Variants in SURF4 observed in about 807,000 individuals in gnomAD.
SURF4 encodes the protein surfeit 4, also known as surfeit locus protein 4.
In SURF4, 3 loss-of-function variants were observed where a neutral mutation model predicts 30.0. The observed-to-expected ratio is 0.10, with a 90% CI of 0.05 to 0.26. The LOEUF (loss-of-function observed/expected upper bound fraction) is 0.26. Ranked by LOEUF, SURF4 falls within the 10% of genes least tolerant of loss-of-function variation. The pLI is 1.00. For missense variants in SURF4, 217 were observed against 350.8 expected (o/e 0.62, Z 3.05); for synonymous variants, 143 against 139.9 (o/e 1.02, Z -0.16).
chr9:133,363,435 C>T lies in SURF4; in HGVS notation c.*58G>A, dbSNP rs2130086138. On this transcript the variant is annotated 3_prime_UTR_variant, in exon 6 of 6. Coordinates refer to ENST00000371989, the MANE Select transcript of SURF4 (RefSeq NM_033161.4). The surrounding 1 kb of genome is among the most constrained non-coding windows in gnomAD (Gnocchi z 4.3). ...AAGCTGGCAGTTTTGTTGAATCCACCCCGAACCAGTCCTTGACGGCCACGG... is the reference window on the plus strand; with the variant it reads ...AAGCTGGCAGTTTTGTTGAATCCACTCCGAACCAGTCCTTGACGGCCACGG... The T allele has an allele frequency of 6.2e-7, 1 of 1,613,968 alleles. No individual in the cohort carries two copies. Among genetic ancestry groups the T allele is most frequent in the South Asian group, 1.1e-5 (1 of 91,058 alleles).
chr9:133,364,595 G>A (rs1208567928), intron 5 of SURF4, among the ~76,000 whole-genome samples: 1 of 152,082 alleles, frequency 6.6e-6, no homozygotes, highest in East Asian at 1.9e-4. Flanking sequence ...GGGAGGCTGA[G>A]GCAGGAGAAT....
chr9:133,376,282 G>T (rs1020347721), upstream of SURF4: 9 of 1,316,440 alleles, frequency 6.8e-6, no homozygotes, highest in African/African-American at 3.1e-5. Context: ...CAGGCCCTGC[G>T]GTCCCTCCCG....
At chr9:133,372,678 G>T (rs916157506) in intron 1 of SURF4, 19 of 978,700 alleles carry the variant, frequency 1.9e-5, no homozygotes, top group Non-Finnish European at 2.3e-5. Flanking sequence ...AAATGGATGT[G>T]TCACTTTATC....
chr9:133,375,988 G>C lies in SURF4; in HGVS notation c.-19C>G, dbSNP rs1348903700. Reference sequence around the variant, plus strand: ...GGCCCATGGCGACGGCGGGAGGCTCGGCTCGGCTCGCTCGCTCGCTCGCTG... The same window carrying C: ...GGCCCATGGCGACGGCGGGAGGCTCCGCTCGGCTCGCTCGCTCGCTCGCTG... On this transcript the variant is annotated 5_prime_UTR_variant, in exon 1 of 6. Transcript: ENST00000371989. The C allele has an allele frequency of 2.4e-6, 3 of 1,224,872 alleles. No homozygotes were observed. The African/African-American group carries it at 4.7e-5, about 19-fold the overall frequency. The allele number at this position is 1,224,872 out of a possible 1,614,324, so 75.9% of individuals were successfully genotyped here.
At chr9:133,369,422 T>C (rs2130169470) in intron 1 of SURF4, among the ~76,000 whole-genome samples, 50 of 152,094 alleles carry the variant, frequency 3.3e-4, no homozygotes, top group Non-Finnish European at 5.6e-4. Flanking sequence ...TTTTTGAGAG[T>C]GTCTCTACTA....
chr9:133,375,677 TAGCC>T (rs1837860841), intron 1 of SURF4, among the ~76,000 whole-genome samples: 1 of 151,816 alleles, frequency 6.6e-6, no homozygotes, highest in Admixed American at 6.5e-5. Flanking sequence ...TGGGGGCGGC[TAGCC>T]AGGCAGGGCG....
At chr9:133,366,455 C>A in intron 3 of SURF4, 144 bp downstream of exon 3, 1 of 888,688 alleles carries the variant, frequency 1.1e-6, no homozygotes, top group Admixed American at 2.3e-5. Context: ...TCACGACTTC[C>A]CCAGAAGAGA....
intron 4 of SURF4, among the ~76,000 whole-genome samples, chr9:133,365,245 TA>T (rs1837099479): frequency 1.3e-5 from 2 of 151,948 alleles, no homozygotes; most frequent in Admixed American, 1.3e-4. Flanking sequence ...GAGACAGAGG[TA>T]TCTTTACAAC....
chr9:133,376,102 C>T, upstream of SURF4: 1 of 1,203,144 alleles, frequency 8.3e-7, no homozygotes, highest in Non-Finnish European at 1.0e-6. Context: ...GCGGCTCCAG[C>T]GGCTGCCACG....
chr9:133,368,405 TCC>T (rs1449022058), intron 1 of SURF4, among the ~76,000 whole-genome samples: 1 of 152,204 alleles, frequency 6.6e-6, no homozygotes, highest in East Asian at 1.9e-4. Flanking sequence ...GGCTGGCGCT[TCC>T]CAGCCCGACG....
chr9:133,367,544 C>T (rs2130145674), intron 1 of SURF4, 99 bp from the exon 2 acceptor site: 1 of 1,576,542 alleles, frequency 6.3e-7, no homozygotes, highest in Admixed American at 1.8e-5. Flanking sequence ...GGAACAGACG[C>T]TGTGGAAGGC....
At chr9:133,372,712 C>T in intron 1 of SURF4, 1 of 853,326 alleles carries the variant, frequency 1.2e-6, no homozygotes, top group Non-Finnish European at 1.4e-6. Context: ...CCATGGTAAT[C>T]CTCTATCGGC....
upstream of SURF4, among the ~76,000 whole-genome samples, chr9:133,376,770 A>G (rs137894805): frequency 3.6e-3 from 542 of 152,256 alleles, 8 homozygotes; most frequent in South Asian, 0.022. Flanking sequence ...TGAATTGACT[A>G]AGGATTCTCC....
upstream of SURF4, chr9:133,376,190 G>C (rs1190995846): frequency 1.9e-5 from 24 of 1,251,068 alleles, no homozygotes; most frequent in Non-Finnish European, 2.4e-5. Context: ...GCCATCCCCA[G>C]CCTCCCGACC....
At chr9:133,374,438 G>A (rs1229621755) in intron 1 of SURF4, among the ~76,000 whole-genome samples, 1 of 151,968 alleles carries the variant, frequency 6.6e-6, no homozygotes, top group African/African-American at 2.4e-5. Flanking sequence ...GTGCATGCCT[G>A]TAATCCCAGC....
intron 1 of SURF4, among the ~76,000 whole-genome samples, chr9:133,373,928 A>AAAAAAAAG (rs1490882396): frequency 6.8e-6 from 1 of 147,310 alleles, no homozygotes; most frequent in Non-Finnish European, 1.5e-5. Context: ...AAAAAAAAAA[A>AAAAAAAAG]AAAAAAAGAA....
At chr9:133,369,189 C>A (rs917149057) in intron 1 of SURF4, among the ~76,000 whole-genome samples, 8 of 152,126 alleles carry the variant, frequency 5.3e-5, no homozygotes, top group African/African-American at 1.9e-4. Context: ...GGCCATTCTC[C>A]CCAAACCCAC....
intron 1 of SURF4, among the ~76,000 whole-genome samples, chr9:133,374,819 C>T (rs997876849): frequency 2.0e-5 from 3 of 151,614 alleles, no homozygotes; most frequent in African/African-American, 7.3e-5. Flanking sequence ...TTTTTTTAAA[C>T]CACACATATA....
intron 1 of SURF4, among the ~76,000 whole-genome samples, chr9:133,371,928 G>A (rs1436464441): frequency 2.0e-5 from 3 of 152,230 alleles, no homozygotes; most frequent in Admixed American, 1.3e-4. Flanking sequence ...TGGAGAGGAA[G>A]GCCCCATGCA....
Sources: gnomAD v4.1 joint callset for allele counts (sites outside exome capture counted in the v4.1 genomes callset) on GRCh38, gnomAD v4.1.1 for gene constraint, Gnocchi (gnomAD v3.1) non-coding constraint, MANE v1.5 for transcripts, NCBI Gene and HGNC (gene_info 2026-07-23, HGNC 2026-07-21) for gene names.